TSPAN12: variants seen among roughly 807,000 people sequenced by gnomAD.
The protein encoded by TSPAN12 is tetraspanin-12.
Under a neutral mutation model 39.2 loss-of-function variants are expected in TSPAN12, and 19 were observed. That is an observed-to-expected ratio of 0.49 (90% CI 0.34 to 0.71). The LOEUF is 0.71. Ranked by LOEUF, TSPAN12 falls within the 30% of genes least tolerant of loss-of-function variation. TSPAN12 has a pLI of 0.01. For synonymous variants in TSPAN12, 119 were observed against 124.8 expected (o/e 0.95, Z 0.31); for missense variants, 314 against 359.9 (o/e 0.87, Z 1.03).
At chr7:120,818,803 G>T (rs1479007605) in intron 4 of TSPAN12, among the ~76,000 whole-genome samples, 2 of 151,958 alleles carry the variant, frequency 1.3e-5, no homozygotes, top group Admixed American at 1.3e-4. Context: ...AATATACTCA[G>T]ATATCATTTC....
chr7:120,808,830 T>A (rs10267389), intron 6 of TSPAN12, among the ~76,000 whole-genome samples: 7,281 of 152,012 alleles, frequency 0.048, 579 homozygotes, highest in African/African-American at 0.17. Context: ...CAAATGCATA[T>A]GTTGAAATTC....
intron 2 of TSPAN12, among the ~76,000 whole-genome samples, chr7:120,849,144 A>C (rs1330219266): frequency 9.2e-5 from 14 of 152,232 alleles, no homozygotes; most frequent in Non-Finnish European, 1.5e-5. Context: ...CCTGAAGCTC[A>C]AGGAGATATT....
intron 2 of TSPAN12, among the ~76,000 whole-genome samples, chr7:120,853,734 C>T (rs770476224): frequency 1.3e-5 from 2 of 150,574 alleles, no homozygotes; most frequent in South Asian, 4.2e-4. Flanking sequence ...ATTAGCTGGG[C>T]ATGGTGGTGC....
In TSPAN12 at chr7:120,788,755, C is replaced by T; in HGVS notation, c.755G>A (p.Arg252Lys). ...CATTTGGTCTGTCCCCGGCTCCCTTCTATCATAATACAGAGCCCAGAGCAG... is the reference window on the plus strand; with the variant it reads ...CATTTGGTCTGTCCCCGGCTCCCTTTTATCATAATACAGAGCCCAGAGCAG... ...ITLLWALYYD[R>K]REPGTDQMMS... Residue 252 changes from arginine to lysine, a missense_variant, in exon 8 of 8, where the codon AGA (arginine) becomes AAA (lysine). Coordinates refer to ENST00000222747, the MANE Select transcript of TSPAN12 (RefSeq NM_012338.4). The T allele has an allele frequency of 1.9e-6, 3 of 1,614,146 alleles. No homozygotes were observed. The highest frequency in any genetic ancestry group is 2.5e-6 in the Non-Finnish European group (3 of 1,180,024).
chr7:120,803,852 G>A (rs995843140), intron 7 of TSPAN12, among the ~76,000 whole-genome samples: 3 of 152,096 alleles, frequency 2.0e-5, no homozygotes, highest in African/African-American at 7.2e-5. Context: ...CCTTTATAAA[G>A]TAGTATTATT....
At chr7:120,842,448 TAAAA>T (rs10585886) in intron 2 of TSPAN12, among the ~76,000 whole-genome samples, 1 of 130,730 alleles carries the variant, frequency 7.6e-6, no homozygotes, top group African/African-American at 2.7e-5. Context: ...TACAAACTGT[TAAAA>T]AAAAAAAAAA....
Position 120,853,533 on chromosome 7 carries a change from T to C in TSPAN12, c.66+3165A>G, listed in dbSNP as rs544312143. 1.4e-4 allele frequency among the ~76,000 whole-genome samples: 21 copies of C among 149,014 alleles called. No homozygotes were observed. In the South Asian group the frequency reaches 4.4e-3, roughly 31 times the overall value. ...ATATTTAGACATATATTTATATTTA[T>C]TTTTATACATAATATATTCGTATTT... On this transcript the variant is annotated intron_variant, in intron 2 of 7. Transcript: ENST00000222747.
intron 2 of TSPAN12, among the ~76,000 whole-genome samples, chr7:120,848,102 T>C (rs987018381): frequency 2.0e-5 from 3 of 152,202 alleles, no homozygotes; most frequent in Non-Finnish European, 4.4e-5. Flanking sequence ...CTGCCTGGAA[T>C]ACCATCCTGC....
chr7:120,854,857 G>A (rs1432033855), intron 2 of TSPAN12, among the ~76,000 whole-genome samples: 1 of 152,100 alleles, frequency 6.6e-6, no homozygotes, highest in Non-Finnish European at 1.5e-5. Context: ...TGGGAGAAGA[G>A]GAGGGCTGGA....
At chr7:120,812,611 G>A (rs1794003771) in intron 5 of TSPAN12, among the ~76,000 whole-genome samples, 1 of 151,862 alleles carries the variant, frequency 6.6e-6, no homozygotes. Context: ...TGATTACTTG[G>A]AAATACACAA....
At chr7:120,840,329 A>G (rs1269983285) in intron 2 of TSPAN12, among the ~76,000 whole-genome samples, 2 of 152,308 alleles carry the variant, frequency 1.3e-5, no homozygotes, top group East Asian at 3.9e-4. Flanking sequence ...CAGAAAACAA[A>G]ACTATTAAGT....
rs1794522297 is a variant in TSPAN12, at chr7:120,838,649, G to A, written c.285+128C>T. The A allele has an allele frequency of 6.3e-6, 6 of 958,776 alleles. 1 individual carries two copies. In the South Asian group the frequency reaches 7.6e-5, roughly 12 times the overall value. 59.4% of individuals were successfully genotyped at this position (958,776 alleles called of 1,614,324 possible). On this transcript the variant is annotated intron_variant, in intron 4 of 7. Coordinates refer to ENST00000222747, the MANE Select transcript of TSPAN12 (RefSeq NM_012338.4). Reference sequence around the variant, plus strand: ...GTATTCAAATAATCTCTTGTGAAACGAAAGCGTCCCTTCTTACAGGATGTT... The same window carrying A: ...GTATTCAAATAATCTCTTGTGAAACAAAAGCGTCCCTTCTTACAGGATGTT...
chr7:120,849,994 C>T (rs1409899534), intron 2 of TSPAN12, among the ~76,000 whole-genome samples: 2 of 152,138 alleles, frequency 1.3e-5, no homozygotes, highest in African/African-American at 4.8e-5. Flanking sequence ...AGGCCTGCTC[C>T]CTTTTGCCTT....
In TSPAN12 at chr7:120,840,104, C is replaced by G. The variant is rs767700187; in HGVS notation, c.72G>C (p.Met24Ile). Residue 24 changes from methionine (M) to isoleucine (I), a missense_variant, in exon 3 of 8, where the codon ATG becomes ATC. Coordinates refer to ENST00000222747, the MANE Select transcript of TSPAN12 (RefSeq NM_012338.4). ...LYALNLLFWL[M>I]SISVLAVSAW... The stretch of plus-strand genomic sequence containing the variant: ...CAGAAACTGCCAACACACTGATGGA[C>G]ATTAACTGGGGAGAAAAAAGTACAA... 1.2e-6 allele frequency: 2 copies of G among 1,613,200 alleles called. No individual in the cohort carries two copies. Among genetic ancestry groups the G allele is most frequent in the Non-Finnish European group, 1.7e-6 (2 of 1,179,266 alleles).
At chr7:120,789,244 G>A (rs1363531044) in intron 7 of TSPAN12, among the ~76,000 whole-genome samples, 1 of 152,064 alleles carries the variant, frequency 6.6e-6, no homozygotes, top group Non-Finnish European at 1.5e-5. Context: ...GGCTCTGTGG[G>A]CCATATGGTC....
chr7:120,814,532 G>C (rs1794043471), intron 5 of TSPAN12, among the ~76,000 whole-genome samples: 1 of 152,184 alleles, frequency 6.6e-6, no homozygotes, highest in Non-Finnish European at 1.5e-5. Flanking sequence ...TGGGGAAAAA[G>C]TCTGGCCTCC....
At chr7:120,854,360 G>T (rs1304103882) in intron 2 of TSPAN12, among the ~76,000 whole-genome samples, 2 of 152,080 alleles carry the variant, frequency 1.3e-5, no homozygotes, top group Non-Finnish European at 1.5e-5. Flanking sequence ...TCCACCTCCT[G>T]GTAATCTGCT....
At chr7:120,815,956 T>C (rs1444657731) in intron 4 of TSPAN12, among the ~76,000 whole-genome samples, 153 bp from the exon 5 acceptor site, 1 of 152,104 alleles carries the variant, frequency 6.6e-6, no homozygotes, top group Non-Finnish European at 1.5e-5. Flanking sequence ...TATCAGCAAA[T>C]TTAGAAATAT....
intron 6 of TSPAN12, among the ~76,000 whole-genome samples, chr7:120,807,433 C>T (rs914223358): frequency 1.8e-4 from 27 of 152,082 alleles, no homozygotes; most frequent in Non-Finnish European, 3.1e-4. Flanking sequence ...GGAAACACTG[C>T]TTAAGGACCT....
Sources: allele counts gnomAD v4.1 joint callset (sites outside exome capture counted in the v4.1 genomes callset), GRCh38; gene constraint gnomAD v4.1.1; transcripts MANE v1.5; gene names NCBI Gene and HGNC (gene_info 2026-07-23, HGNC 2026-07-21).